The following CCDC6 variants were observed in gnomAD, a reference collection of about 807,000 sequenced individuals.
CCDC6 encodes coiled-coil domain-containing protein 6.
Under a neutral mutation model 56.6 loss-of-function variants are expected in CCDC6, and 20 were observed. The observed-to-expected ratio is 0.35, with a 90% confidence interval of 0.25 to 0.51. The LOEUF (loss-of-function observed/expected upper bound fraction) is 0.51. Ranked by LOEUF, CCDC6 falls within the 20% of genes least tolerant of loss-of-function variation. CCDC6 has a pLI of 0.95. For missense variants in CCDC6, 367 were observed against 601.1 expected (o/e 0.61, Z 4.07); for synonymous variants, 241 against 234.4 (o/e 1.03, Z -0.26).
chr10:59,834,137 A>C (rs2070859494), intron 2 of CCDC6, among the ~76,000 whole-genome samples: 1 of 152,164 alleles, frequency 6.6e-6, no homozygotes, highest in Admixed American at 6.5e-5. Flanking sequence ...GACAACTGAG[A>C]GCTGAGGCAA....
intron 3 of CCDC6, among the ~76,000 whole-genome samples, chr10:59,821,501 AGTCTGTGTTACAGATAAACTAAGACAGGT>A (rs2070749292): frequency 6.6e-6 from 1 of 152,238 alleles, no homozygotes; most frequent in African/African-American, 2.4e-5. Context: ...ACAAGTAGTC[AGTCTGTGTTACAGATAAACTAAGACAGGT>A]GTTCATAGAC....
At chr10:59,840,049 C>T (rs1234767112) in intron 2 of CCDC6, among the ~76,000 whole-genome samples, 1 of 152,172 alleles carries the variant, frequency 6.6e-6, no homozygotes, top group East Asian at 1.9e-4. Flanking sequence ...TGGTCTCAAT[C>T]TCCTGACCTC....
Position 59,789,546 on chromosome 10 carries a change from C to T in CCDC6, c.*3371G>A, listed in dbSNP as rs2070450128. On this transcript the variant is annotated 3_prime_UTR_variant, in exon 9 of 9. Coordinates refer to ENST00000263102, the MANE Select transcript of CCDC6 (RefSeq NM_005436.5). ...TACAATGGCTCTTGAGCATGGAACT[C>T]ATGTAGCAGCATCAATGGCTGGCTC... 4.3e-6 allele frequency: 1 copy of T among 232,962 alleles called. No individual in the cohort carries two copies. The highest frequency in any genetic ancestry group is 2.2e-5 in the African/African-American group (1 of 45,298). 14.4% of individuals were successfully genotyped at this position (232,962 alleles called of 1,614,324 possible).
chr10:59,891,500 G>A (rs569494385), intron 1 of CCDC6, among the ~76,000 whole-genome samples: 17 of 152,292 alleles, frequency 1.1e-4, no homozygotes, highest in Admixed American at 9.1e-4. Flanking sequence ...CCTAACAAGC[G>A]AATCCCAGTT....
At chr10:59,884,050 C>T (rs988753575) in intron 1 of CCDC6, among the ~76,000 whole-genome samples, 2 of 152,150 alleles carry the variant, frequency 1.3e-5, no homozygotes, top group Admixed American at 6.5e-5. Context: ...CTAACATCAA[C>T]CAATCTGTAG....
At chr10:59,892,812 A>G (rs1360232062) in intron 1 of CCDC6, among the ~76,000 whole-genome samples, 1 of 152,174 alleles carries the variant, frequency 6.6e-6, no homozygotes, top group Non-Finnish European at 1.5e-5. Flanking sequence ...ATGCAATACA[A>G]CTTAGCTAGT....
chr10:59,809,111 A>G (rs1349653101), intron 5 of CCDC6, among the ~76,000 whole-genome samples: 1 of 152,220 alleles, frequency 6.6e-6, no homozygotes, highest in Non-Finnish European at 1.5e-5. Flanking sequence ...AGAATTTTTC[A>G]CTTGGCTCTA....
At chr10:59,797,017 G>A (rs1302938899) in intron 7 of CCDC6, among the ~76,000 whole-genome samples, 2 of 151,054 alleles carry the variant, frequency 1.3e-5, no homozygotes, top group Admixed American at 6.6e-5. Flanking sequence ...GTCCATCAAC[G>A]GATGAGCAGA....
chr10:59,894,571 G>A (rs939213025), intron 1 of CCDC6, among the ~76,000 whole-genome samples: 1 of 150,150 alleles, frequency 6.7e-6, no homozygotes, highest in Non-Finnish European at 1.5e-5. Flanking sequence ...ACTCATGTTT[G>A]TTGAAAAAAA....
intron 1 of CCDC6, among the ~76,000 whole-genome samples, chr10:59,904,228 T>A (rs1243935237): frequency 6.6e-6 from 1 of 152,188 alleles, no homozygotes; most frequent in Non-Finnish European, 1.5e-5. Flanking sequence ...AGCCACCACC[T>A]TATACGCTCT....
At chr10:59,883,551 T>C (rs183853183) in intron 1 of CCDC6, among the ~76,000 whole-genome samples, 1 of 152,364 alleles carries the variant, frequency 6.6e-6, no homozygotes, top group Non-Finnish European at 1.5e-5. Flanking sequence ...GCTGAACTTA[T>C]GTCAGCACAG....
intron 1 of CCDC6, among the ~76,000 whole-genome samples, chr10:59,892,682 C>G (rs2071431484): frequency 1.1e-5 from 1 of 92,020 alleles, no homozygotes; most frequent in Non-Finnish European, 2.4e-5. Flanking sequence ...ACACATTACC[C>G]CAAAACTTTC....
intron 2 of CCDC6, among the ~76,000 whole-genome samples, chr10:59,849,989 G>T (rs2071024207): frequency 6.6e-6 from 1 of 152,144 alleles, no homozygotes; most frequent in Admixed American, 6.5e-5. Flanking sequence ...CCCTTCCCCT[G>T]CTGCAGCTAT....
chr10:59,799,097 T>C (rs960232907), intron 7 of CCDC6, among the ~76,000 whole-genome samples: 2 of 151,754 alleles, frequency 1.3e-5, no homozygotes, highest in Non-Finnish European at 2.9e-5. Flanking sequence ...AGTTAACTTT[T>C]CTGAAGGGTA....
chr10:59,792,759 A>G lies in CCDC6; in HGVS notation c.*158T>C. On this transcript the variant is annotated 3_prime_UTR_variant, in exon 9 of 9. Transcript: ENST00000263102. ...GTTGTAGACCCACAACACTGGCTGC[A>G]TTTCTGACAAACATTTACAACACAA... The G allele has an allele frequency of 1.2e-6, 1 of 852,596 alleles. No homozygotes were observed. The highest frequency in any genetic ancestry group is 2.0e-6 in the Non-Finnish European group (1 of 496,100). The allele number at this position is 852,596 out of a possible 1,614,324, so 52.8% of individuals were successfully genotyped here.
chr10:59,870,835 G>A (rs1348155456), intron 1 of CCDC6, among the ~76,000 whole-genome samples: 1 of 152,200 alleles, frequency 6.6e-6, no homozygotes, highest in African/African-American at 2.4e-5. Flanking sequence ...CTATGAAATA[G>A]GAAGACCCCA....
At chr10:59,851,088 A>G (rs1055512091) in intron 2 of CCDC6, among the ~76,000 whole-genome samples, 7 of 148,644 alleles carry the variant, frequency 4.7e-5, no homozygotes, top group Non-Finnish European at 1.0e-4. Context: ...ACTGTCCTAT[A>G]ATGTACTTTG....
At chr10:59,801,921 T>G (rs1378945546) in intron 7 of CCDC6, among the ~76,000 whole-genome samples, 1 of 152,210 alleles carries the variant, frequency 6.6e-6, no homozygotes, top group Non-Finnish European at 1.5e-5. Flanking sequence ...GCTCATCTCG[T>G]ACATTCAGTG....
intron 6 of CCDC6, chr10:59,805,629 T>G (rs114018343): frequency 3.0e-4 from 45 of 152,292 alleles, no homozygotes; most frequent in African/African-American, 1.1e-3. Context: ...GCTGGCAGTT[T>G]TAGTCAAATG....
Sources: gnomAD v4.1 joint callset for allele counts (sites outside exome capture counted in the v4.1 genomes callset) on GRCh38, gnomAD v4.1.1 for gene constraint, MANE v1.5 for transcripts, NCBI Gene and HGNC (gene_info 2026-07-23, HGNC 2026-07-21) for gene names.